Variants in COX5A observed in about 807,000 individuals in gnomAD.
COX5A encodes cytochrome c oxidase subunit 5A.
A neutral mutation model predicts 16.1 loss-of-function variants in COX5A; 6 were observed. The ratio of observed to expected loss-of-function variants is 0.37; its 90% CI spans 0.20 to 0.73. The LOEUF is 0.73. COX5A is among the 30% of genes least tolerant of loss of function. The pLI, the probability that COX5A is intolerant of heterozygous loss-of-function variation, is 0.50. For synonymous variants in COX5A, 73 were observed against 73.8 expected (o/e 0.99, Z 0.06); for missense variants, 159 against 194.9 (o/e 0.82, Z 1.10).
At chr15:74,922,299 C>T (rs903192868) in intron 4 of COX5A, among the ~76,000 whole-genome samples, 4 of 151,118 alleles carry the variant, frequency 2.6e-5, no homozygotes, top group African/African-American at 9.7e-5. Flanking sequence ...GTACAAGAAT[C>T]GGCTTGAACC....
At chr15:74,926,719 T>G in intron 3 of COX5A, 47 bp downstream of exon 3, 1 of 1,574,814 alleles carries the variant, frequency 6.3e-7, no homozygotes, top group East Asian at 2.3e-5. Context: ...ACCTCAGCAA[T>G]AGCCCACTCA....
chr15:74,921,407 CAAAAAAAAA>C (rs56979177), intron 4 of COX5A, among the ~76,000 whole-genome samples: 1 of 79,492 alleles, frequency 1.3e-5, no homozygotes, highest in Admixed American at 1.6e-4. Flanking sequence ...GACTCCGTCT[CAAAAAAAAA>C]AAAAAAAAAA....
At chr15:74,922,901 C>T (rs1027693816) in intron 4 of COX5A, among the ~76,000 whole-genome samples, 7 of 152,022 alleles carry the variant, frequency 4.6e-5, no homozygotes, top group East Asian at 1.9e-4. Flanking sequence ...GTGATCCACC[C>T]GCCTCGGCCT....
In COX5A at chr15:74,936,155, G is replaced by C. The variant is rs1219096560; in HGVS notation, c.100+1760C>G. 3.3e-5 allele frequency among the ~76,000 whole-genome samples: 5 copies of C among 152,156 alleles called. No individual in the cohort carries two copies. In the East Asian group the frequency reaches 9.7e-4, roughly 29 times the overall value. ...AAAACACAAAAAGTAGCCGGGCATG[G>C]TGGCAGGTGCCTGTAACCCCAGCTA... On this transcript the variant is annotated intron_variant, in intron 1 of 4. Transcript: ENST00000322347.
intron 1 of COX5A, among the ~76,000 whole-genome samples, chr15:74,931,578 G>A (rs2065367855): frequency 7.1e-6 from 1 of 141,588 alleles, no homozygotes; most frequent in African/African-American, 2.6e-5. Context: ...TTTTGAGATC[G>A]AGTCTCACTC....
At chr15:74,933,604 T>G (rs1377529508) in intron 1 of COX5A, among the ~76,000 whole-genome samples, 1 of 152,134 alleles carries the variant, frequency 6.6e-6, no homozygotes, top group Non-Finnish European at 1.5e-5. Flanking sequence ...CTTCAAAAAC[T>G]AAAGCTAGCC....
rs1248237535 is a variant in COX5A at position 74,937,858 on chromosome 15, G to A, written c.100+57C>T. The A allele has an allele frequency of 2.8e-6, 3 of 1,056,376 alleles. No individual in the cohort carries two copies. In the East Asian group the frequency reaches 9.7e-5, roughly 34 times the overall value. The allele number at this position is 1,056,376 out of a possible 1,614,324, so 65.4% of individuals were successfully genotyped here. The stretch of plus-strand genomic sequence containing the variant: ...AGAGCCCGCCCCGGAGTGGCAGCGG[G>A]GACCCAGGTCACCGCAAGGACACGA... On this transcript the variant is annotated intron_variant, in intron 1 of 4. Coordinates refer to ENST00000322347, the MANE Select transcript of COX5A (RefSeq NM_004255.4).
In COX5A at chr15:74,919,922, C is replaced by G. The variant is rs1472524025; in HGVS notation, c.*530G>C. The G allele has an allele frequency of 6.3e-6, 1 of 159,712 alleles. No individual in the cohort carries two copies. The highest frequency in any genetic ancestry group is 1.8e-4 in the South Asian group (1 of 5,460). 9.9% of individuals were successfully genotyped at this position (159,712 alleles called of 1,614,324 possible). ...AAAGGGGCACTAAGAGAGGAACACA[C>G]CGTAAGAGGGCTTGGCTACTGCATA... On this transcript the variant is annotated 3_prime_UTR_variant, in exon 5 of 5. Coordinates refer to ENST00000322347, the MANE Select transcript of COX5A (RefSeq NM_004255.4).
In COX5A at chr15:74,926,872, A is replaced by G. The variant is rs760257324; in HGVS notation, c.233T>C (p.Val78Ala). ...WELRKGINTL[V>A]TYDMVPEPKI... ...GGGCTCTGGAACCATATCATAGGTA[A>G]CAAGTGTGTTTATCCCTGCAAAATT... The change falls in exon 3 of 5, where the codon GTT becomes GCT. Residue 78 changes from valine (V) to alanine (A), a missense_variant. Coordinates refer to ENST00000322347, the MANE Select transcript of COX5A (RefSeq NM_004255.4). 1.9e-6 allele frequency: 3 copies of G among 1,613,282 alleles called. No individual in the cohort carries two copies. The highest frequency in any genetic ancestry group is 2.5e-6 in the Non-Finnish European group (3 of 1,179,700).
chr15:74,936,321 A>C (rs1224310689), intron 1 of COX5A, among the ~76,000 whole-genome samples: 1 of 152,018 alleles, frequency 6.6e-6, no homozygotes, highest in South Asian at 2.1e-4. Context: ...AAACAAAAAA[A>C]AACAAGGAGT....
intron 3 of COX5A, 113 bp downstream of exon 3, chr15:74,926,653 A>G: frequency 9.3e-7 from 1 of 1,078,926 alleles, no homozygotes; most frequent in Non-Finnish European, 1.3e-6. Context: ...CCTTCTAGTT[A>G]TATAAGGACT....
At chr15:74,935,555 G>A (rs2065385430) in intron 1 of COX5A, among the ~76,000 whole-genome samples, 1 of 151,104 alleles carries the variant, frequency 6.6e-6, no homozygotes, top group Non-Finnish European at 1.5e-5. Context: ...GAGCTGTGAT[G>A]GTGCCACTGC....
In COX5A at chr15:74,927,629, G is replaced by T. The variant is rs1321018724; in HGVS notation, c.218-742C>A. ...CTCTATTAAAGATACAAAATTGGCC[G>T]GGCGTGGTGGCACATGCCTGTAATT... On this transcript the variant is annotated intron_variant, in intron 2 of 4. Coordinates refer to ENST00000322347, the MANE Select transcript of COX5A (RefSeq NM_004255.4). 2.0e-5 allele frequency among the ~76,000 whole-genome samples: 3 copies of T among 151,996 alleles called. No individual in the cohort carries two copies. In the South Asian group the frequency reaches 6.2e-4, roughly 32 times the overall value.
chr15:74,924,822 A>G (rs2065336376), intron 3 of COX5A, among the ~76,000 whole-genome samples: 1 of 152,212 alleles, frequency 6.6e-6, no homozygotes, highest in African/African-American at 2.4e-5. Flanking sequence ...AGAACCCTTA[A>G]TTATCTTACC....
intron 2 of COX5A, among the ~76,000 whole-genome samples, chr15:74,927,324 G>A (rs942432973): frequency 2.0e-5 from 3 of 151,904 alleles, no homozygotes; most frequent in Non-Finnish European, 4.4e-5. Flanking sequence ...TTACAGGCGG[G>A]TGCCACCAAG....
At chr15:74,929,313 G>A (rs1252201583) in intron 1 of COX5A, 81 bp from the exon 2 acceptor site, 2 of 934,564 alleles carry the variant, frequency 2.1e-6, no homozygotes, top group Non-Finnish European at 3.5e-6. Flanking sequence ...ATTTTGAGTT[G>A]ACTATATATG....
chr15:74,932,346 G>T (rs2065371240), intron 1 of COX5A, among the ~76,000 whole-genome samples: 1 of 143,082 alleles, frequency 7.0e-6, no homozygotes, highest in South Asian at 2.6e-4. Context: ...TAGAGATGGG[G>T]GTCTTGATAT....
chr15:74,920,332 G>T lies in COX5A; in HGVS notation c.*120C>A. The T allele has an allele frequency of 1.5e-6, 1 of 680,174 alleles. No homozygotes were observed. The highest frequency in any genetic ancestry group is 2.6e-6 in the Non-Finnish European group (1 of 378,470). The allele number at this position is 680,174 out of a possible 1,614,324, so 42.1% of individuals were successfully genotyped here. Reference sequence around the variant, plus strand: ...GTCCAAGTTACCATTACATGGCTTGGTACTCAATAAAGGAAAACTTGTTCA... The same window carrying T: ...GTCCAAGTTACCATTACATGGCTTGTTACTCAATAAAGGAAAACTTGTTCA... On this transcript the variant is annotated 3_prime_UTR_variant, in exon 5 of 5. Transcript: ENST00000322347.
At chr15:74,933,447 CTATCTATCTATCTATCTATG>C (rs1379545275) in intron 1 of COX5A, among the ~76,000 whole-genome samples, 1 of 136,966 alleles carries the variant, frequency 7.3e-6, no homozygotes, top group Non-Finnish European at 1.5e-5. Context: ...ATCTATCTAT[CTATCTATCTATCTATCTATG>C]TAAAAACATA....
Sources: allele counts gnomAD v4.1 joint callset (sites outside exome capture counted in the v4.1 genomes callset), GRCh38; gene constraint gnomAD v4.1.1; transcripts MANE v1.5; gene names NCBI Gene and HGNC (gene_info 2026-07-23, HGNC 2026-07-21).